TATDN3: variants seen among roughly 807,000 people sequenced by gnomAD.
The protein encoded by TATDN3 is TatD DNase domain containing 3, also known as deoxyribonuclease TATDN3.
In TATDN3, 29 loss-of-function variants were observed where a neutral mutation model predicts 40.1. The observed-to-expected ratio is 0.72, with a 90% CI of 0.54 to 0.99. TATDN3 has a LOEUF of 0.99. Ranked by LOEUF, TATDN3 falls within the 50% of genes least tolerant of loss-of-function variation. TATDN3 has a pLI of 0.00. For missense variants in TATDN3, 309 were observed against 321.9 expected (o/e 0.96, Z 0.31); for synonymous variants, 105 against 117.0 (o/e 0.90, Z 0.66).
rs987243960 is a variant in TATDN3, at chr1:212,816,551, T to C, written c.*1395T>C. The C allele has an allele frequency of 5.9e-5, 9 of 152,180 alleles. No homozygotes were observed. Among genetic ancestry groups the C allele is most frequent in the African/African-American group, 2.2e-4 (9 of 41,436 alleles). 9.4% of individuals were successfully genotyped at this position (152,180 alleles called of 1,614,324 possible). ...ATATCAAAACTTAGGTATTTAATCT[T>C]GTTAAATTATATAAGCAGAAAATGC... is the stretch of plus-strand genomic sequence containing the variant. On this transcript the variant is annotated 3_prime_UTR_variant, in exon 10 of 10. Transcript: ENST00000366974.
intron 8 of TATDN3, among the ~76,000 whole-genome samples, chr1:212,812,023 C>G (rs928476873): frequency 6.6e-6 from 1 of 151,098 alleles, no homozygotes; most frequent in East Asian, 1.9e-4. Context: ...TTAGCAGAGA[C>G]GGGGTTTCAC....
intron 7 of TATDN3, 103 bp from the exon 8 acceptor site, chr1:212,807,633 A>G: frequency 1.3e-6 from 1 of 773,650 alleles, no homozygotes; most frequent in Admixed American, 2.8e-5. Flanking sequence ...CCTCTTGTTT[A>G]TATCCTAGTG....
chr1:212,812,794 G>A (rs925946458), intron 9 of TATDN3, among the ~76,000 whole-genome samples: 3 of 152,208 alleles, frequency 2.0e-5, no homozygotes, highest in Non-Finnish European at 4.4e-5. Flanking sequence ...CCTGAGGTCA[G>A]GAGTTCGAGA....
At chr1:212,808,005 A>G (rs1302599619) in intron 8 of TATDN3, among the ~76,000 whole-genome samples, 157 bp downstream of exon 8, 3 of 152,160 alleles carry the variant, frequency 2.0e-5, no homozygotes, top group Non-Finnish European at 4.4e-5. Flanking sequence ...GAAATTGATC[A>G]AAGACTTAAA....
chr1:212,806,747 C>CATATATATATATAT (rs71495077), intron 7 of TATDN3, among the ~76,000 whole-genome samples: 2 of 43,970 alleles, frequency 4.5e-5, no homozygotes, highest in African/African-American at 7.6e-5. Context: ...TCTCTCTCTC[C>CATATATATATATAT]ATATATATAT....
At chr1:212,802,653 TAGC>T in intron 4 of TATDN3, 45 bp from the exon 5 acceptor site, 1 of 1,268,804 alleles carries the variant, frequency 7.9e-7, no homozygotes, top group Non-Finnish European at 1.2e-6. Flanking sequence ...GCTTGTGAAA[TAGC>T]AGTTCCTTTC....
intron 1 of TATDN3, among the ~76,000 whole-genome samples, chr1:212,794,437 A>T (rs1661592666): frequency 6.6e-6 from 1 of 152,216 alleles, no homozygotes; most frequent in South Asian, 2.1e-4. Flanking sequence ...CTAAAAATAC[A>T]AAATTTAGCT....
intron 8 of TATDN3, among the ~76,000 whole-genome samples, chr1:212,811,325 G>A (rs537755699): frequency 1.2e-4 from 19 of 152,210 alleles, no homozygotes; most frequent in African/African-American, 4.6e-4. Flanking sequence ...TAGAGACGGG[G>A]TTTCACCATG....
rs1663112116 is a variant in TATDN3 at position 212,815,081 on chromosome 1, G to C, written c.750G>C (p.Val250=). ...TTGCCCAGGTGAAAGGGATCTCAGT[G>C]GAAGAAGTTATAGAAGTGACGACAC... ...EYIAQVKGIS[V]EEVIEVTTQN... is the part of the protein sequence containing the mutation. The change falls in exon 10 of 10, where the codon GTG becomes GTC. Residue 250 remains valine (V), a synonymous_variant. Transcript: ENST00000366974. 1 of 1,613,966 alleles carries C rather than the reference G, an allele frequency of 6.2e-7. No homozygotes were observed. The highest frequency in any genetic ancestry group is 1.7e-5 in the Admixed American group (1 of 59,972).
chr1:212,807,976 A>G (rs1662640621), intron 8 of TATDN3, 128 bp downstream of exon 8: 4 of 581,036 alleles, frequency 6.9e-6, no homozygotes, highest in Non-Finnish European at 1.2e-5. Context: ...TACCTCACAT[A>G]TATATAAAAA....
chr1:212,809,607 C>T (rs1005395549), intron 8 of TATDN3, among the ~76,000 whole-genome samples: 8 of 151,928 alleles, frequency 5.3e-5, no homozygotes, highest in Admixed American at 2.0e-4. Context: ...TGGCGTGAAC[C>T]CGGGGGGGCA....
Position 212,815,291 on chromosome 1 carries a change from T to C in TATDN3, c.*135T>C. The C allele has an allele frequency of 9.4e-7, 1 of 1,067,540 alleles. No homozygotes were observed. Among genetic ancestry groups the C allele is most frequent in the Non-Finnish European group, 1.3e-6 (1 of 795,380 alleles). The allele number at this position is 1,067,540 out of a possible 1,614,324, so 66.1% of individuals were successfully genotyped here. A position where few individuals can be genotyped will look rare whatever the true frequency, so the allele number is the denominator to read the frequency against. On this transcript the variant is annotated 3_prime_UTR_variant, in exon 10 of 10. Coordinates refer to ENST00000366974, the MANE Select transcript of TATDN3 (RefSeq NM_001042552.3). ...AGAAGATTGTAATTGTAGAGAAATA[T>C]TTCTCTTAGAAATAAAACTGGGCTT... is the stretch of plus-strand genomic sequence containing the variant.
intron 4 of TATDN3, among the ~76,000 whole-genome samples, chr1:212,798,730 A>G (rs149959322): frequency 2.0e-5 from 3 of 152,230 alleles, no homozygotes; most frequent in Non-Finnish European, 2.9e-5. Flanking sequence ...ACATTCATTT[A>G]GTTAGGTAGT....
chr1:212,806,766 A>G (rs1282321806), intron 7 of TATDN3, among the ~76,000 whole-genome samples: 2 of 114,850 alleles, frequency 1.7e-5, no homozygotes, highest in African/African-American at 6.2e-5. Context: ...ATATATATAT[A>G]TATATATATA....
Position 212,804,629 on chromosome 1 carries a change from C to T in TATDN3, c.465C>T (p.Thr155=), listed in dbSNP as rs770245953. The change falls in exon 7 of 10, where the codon ACC becomes ACT. Residue 155 remains threonine, a synonymous_variant. Coordinates refer to ENST00000366974, the MANE Select transcript of TATDN3 (RefSeq NM_001042552.3). ...NVHSRSAGRP[T]INLLQEQGAE... ...ACTCACGCTCTGCTGGAAGACCTAC[C>T]ATCAACCTTTTACAAGAGCAAGGTA... The T allele has an allele frequency of 6.2e-7, 1 of 1,613,572 alleles. No individual in the cohort carries two copies. The highest frequency in any genetic ancestry group is 8.5e-7 in the Non-Finnish European group (1 of 1,179,818).
intron 1 of TATDN3, 75 bp downstream of exon 1, chr1:212,792,062 C>T (rs1003195131): frequency 1.9e-5 from 28 of 1,481,634 alleles, no homozygotes; most frequent in Non-Finnish European, 2.3e-5. Context: ...CTTTGCTCTC[C>T]TCCCTTGGGA....
intron 7 of TATDN3, 152 bp from the exon 8 acceptor site, chr1:212,807,584 G>A: frequency 3.8e-6 from 2 of 521,966 alleles, no homozygotes; most frequent in East Asian, 6.7e-5. Flanking sequence ...TCCACTCTTT[G>A]AACACCGTAC....
chr1:212,811,430 A>G (rs1383858236), intron 8 of TATDN3, among the ~76,000 whole-genome samples: 1 of 151,522 alleles, frequency 6.6e-6, no homozygotes, highest in African/African-American at 2.4e-5. Flanking sequence ...CCCCGGCTTA[A>G]TTTTTGTATT....
intron 7 of TATDN3, among the ~76,000 whole-genome samples, chr1:212,806,776 A>G (rs1290537620): frequency 8.3e-6 from 1 of 120,974 alleles, no homozygotes; most frequent in African/African-American, 2.9e-5. Context: ...ATATATATAT[A>G]TATATATACA....
Sources: allele counts gnomAD v4.1 joint callset (sites outside exome capture counted in the v4.1 genomes callset), GRCh38; gene constraint gnomAD v4.1.1; transcripts MANE v1.5; gene names NCBI Gene and HGNC (gene_info 2026-07-23, HGNC 2026-07-21).